Variants in HAPLN4 observed in about 807,000 individuals in gnomAD.
The protein encoded by HAPLN4 is hyaluronan and proteoglycan link protein 4, also known as brain link protein 2.
Under a neutral mutation model 28.0 loss-of-function variants are expected in HAPLN4, and 19 were observed. The ratio of observed to expected loss-of-function variants is 0.68; its 90% CI spans 0.47 to 1.00. The LOEUF (loss-of-function observed/expected upper bound fraction) is 1.00, where lower values mean the gene tolerates loss of function less well. HAPLN4 is among the 50% of genes least tolerant of loss of function. The probability of loss-of-function intolerance (pLI) is 0.00; values close to 1 mark genes in which losing one functional copy is unlikely to be tolerated. For missense variants in HAPLN4, 587 were observed against 602.6 expected (o/e 0.97, Z 0.27); for synonymous variants, 274 against 273.0 (o/e 1.00, Z -0.03).
intron 1 of HAPLN4, chr19:19,261,772 C>T (rs1013631147): frequency 2.0e-5 from 10 of 501,676 alleles, no homozygotes; most frequent in African/African-American, 1.9e-4. Flanking sequence ...GACTCCCCCC[C>T]GCCCTCAGTC....
Position 19,260,808 on chromosome 19 carries a change from A to T in HAPLN4, c.484+5T>A. 6.2e-7 allele frequency: 1 copy of T among 1,601,924 alleles called. No individual in the cohort carries two copies. ...CAAGGTTTATCCTCCCCACCGGCTG[A>T]TCACCTTCCAGGTCCAGCTTGACCA... On this transcript the variant is annotated splice_donor_5th_base_variant and intron_variant, in intron 3 of 4. Transcript: ENST00000291481.
rs1415973441 is a variant in HAPLN4 at position 19,258,156 on chromosome 19, C to T, written c.870G>A (p.Ala290=). Reference sequence around the variant, plus strand: ...CCGCGCCACGCGCAGCACACGCGCGCGCAGCTCCGGAGAAGGGTACAGGTC... The same window carrying T: ...CCGCGCCACGCGCAGCACACGCGCGTGCAGCTCCGGAGAAGGGTACAGGTC... ...PLRPVPFSGA[A]RACAARGAAV... The change falls in exon 5 of 5, where the codon GCG becomes GCA. Residue 290 remains alanine (A), a synonymous_variant. Transcript: ENST00000291481. The surrounding 1 kb of genome is among the most constrained non-coding windows in gnomAD (Gnocchi z 6.2). The T allele has an allele frequency of 1.9e-6, 3 of 1,539,710 alleles. No homozygotes were observed. The highest frequency in any genetic ancestry group is 1.2e-5 in the South Asian group (1 of 83,876).
At position 19,258,820 on chromosome 19, in the gene HAPLN4, A is replaced by G; in HGVS notation, c.520T>C (p.Tyr174His). 1 of 1,582,206 alleles carries G rather than the reference A, an allele frequency of 6.3e-7. No individual in the cohort carries two copies. The highest frequency in any genetic ancestry group is 8.6e-7 in the Non-Finnish European group (1 of 1,163,570). The change falls in exon 4 of 5, where the codon TAC becomes CAC. Residue 174 changes from tyrosine (Y) to histidine (H), a missense_variant. By Grantham distance (83) the Tyr-to-His change is moderately conservative (BLOSUM62 2). Coordinates refer to ENST00000291481, the MANE Select transcript of HAPLN4 (RefSeq NM_023002.3). This position sits in a 1 kb window ranked among gnomAD's most constrained non-coding sequence, Gnocchi z 6.2. ...VFPYHPRGGR[Y>H]KLTFAEAQRA... ...TGCGCCTCCGCGAAGGTCAGCTTGTATCGGCCTCCACGGGGGTGGTAGGGA... is the reference window on the plus strand; with the variant it reads ...TGCGCCTCCGCGAAGGTCAGCTTGTGTCGGCCTCCACGGGGGTGGTAGGGA...
In HAPLN4 at chr19:19,257,591, A is replaced by C; in HGVS notation, c.*226T>G. On this transcript the variant is annotated 3_prime_UTR_variant, in exon 5 of 5. Transcript: ENST00000291481. Reference sequence around the variant, plus strand: ...TGGAGAAAGTTGGGGAGTTGGGGGAATCCTCTATCCAGAAGAGGTGAGGGC... The same window carrying C: ...TGGAGAAAGTTGGGGAGTTGGGGGACTCCTCTATCCAGAAGAGGTGAGGGC... 1 of 422,664 alleles carries C rather than the reference A, an allele frequency of 2.4e-6. No individual in the cohort carries two copies. Among genetic ancestry groups the C allele is most frequent in the Non-Finnish European group, 3.9e-6 (1 of 253,316 alleles). The allele number at this position is 422,664 out of a possible 1,614,324, so 26.2% of individuals were successfully genotyped here.
chr19:19,261,604 C>T (rs2060983944), intron 1 of HAPLN4, 41 bp from the exon 2 acceptor site: 1 of 1,349,218 alleles, frequency 7.4e-7, no homozygotes, highest in African/African-American at 1.6e-5. Context: ...GCCTCCCAGC[C>T]TTGGCTTTTC....
In HAPLN4 at chr19:19,257,659, C is replaced by G. The variant is rs901263300; in HGVS notation, c.*158G>C. 1 of 836,274 alleles carries G rather than the reference C, an allele frequency of 1.2e-6. No individual in the cohort carries two copies. The highest frequency in any genetic ancestry group is 1.6e-6 in the Non-Finnish European group (1 of 614,296). The allele number at this position is 836,274 out of a possible 1,614,324, so 51.8% of individuals were successfully genotyped here. ...ACTCCAAAGTACTGTTCTGCCAGGA[C>G]TAGCCAGTCTTCAGGGACCCCAGGG... On this transcript the variant is annotated 3_prime_UTR_variant, in exon 5 of 5. Transcript: ENST00000291481.
chr19:19,258,163 C>A lies in HAPLN4; in HGVS notation c.863G>T (p.Gly288Val). ...LKPLRPVPFS[G>V]AARACAARGA... ...ACGCGCAGCACACGCGCGCGCAGCT[C>A]CGGAGAAGGGTACAGGTCGCAGCGG... The change falls in exon 5 of 5, where the codon GGA becomes GTA. Residue 288 changes from glycine (G) to valine (V), a missense_variant. By Grantham distance (109) the Gly-to-Val change is moderately radical (BLOSUM62 -3). Coordinates refer to ENST00000291481, the MANE Select transcript of HAPLN4 (RefSeq NM_023002.3). The surrounding 1 kb of genome is among the most constrained non-coding windows in gnomAD (Gnocchi z 6.2). The A allele has an allele frequency of 6.5e-7, 1 of 1,534,230 alleles. No individual in the cohort carries two copies. The highest frequency in any genetic ancestry group is 8.7e-7 in the Non-Finnish European group (1 of 1,146,360).
rs1347438571 is a variant in HAPLN4, at chr19:19,255,036, A to T, written c.*2781T>A. 6.6e-6 allele frequency: 1 copy of T among 152,180 alleles called. No individual in the cohort carries two copies. The highest frequency in any genetic ancestry group is 1.9e-4 in the East Asian group (1 of 5,202). 9.4% of individuals were successfully genotyped at this position (152,180 alleles called of 1,614,324 possible). On this transcript the variant is annotated 3_prime_UTR_variant, in exon 5 of 5. Coordinates refer to ENST00000291481, the MANE Select transcript of HAPLN4 (RefSeq NM_023002.3). ...ATATTCATGTCAGGGAAAGTTTGTA[A>T]TGTCTCTCCCTTCCTGGTACAGGAA...
Position 19,260,975 on chromosome 19 carries a change from C to G in HAPLN4, c.322G>C (p.Ala108Pro), listed in dbSNP as rs1350694597. ...VFVALGPQHR[A>P]FGSYRGRAEL... The stretch of plus-strand genomic sequence containing the variant: ...GCCCGCCCACGGTAGCTGCCGAATG[C>G]CCGGTGCTGGGGGCCTAGTGCCACG... Residue 108 changes from alanine (A) to proline (P), a missense_variant, in exon 3 of 5, where the codon GCA becomes CCA. Transcript: ENST00000291481. 6.2e-7 allele frequency: 1 copy of G among 1,613,662 alleles called. No individual in the cohort carries two copies. The highest frequency in any genetic ancestry group is 1.7e-5 in the Admixed American group (1 of 60,010).
rs753645846 is a variant in HAPLN4 at position 19,258,714 on chromosome 19, C to T, written c.626G>A (p.Cys209Tyr). The change falls in exon 4 of 5, where the codon TGC becomes TAC. Residue 209 changes from cysteine (C) to tyrosine (Y), a missense_variant. Cys to Tyr is a radical substitution (Grantham distance 194). Transcript: ENST00000291481. This position sits in a 1 kb window ranked among gnomAD's most constrained non-coding sequence, Gnocchi z 6.2. ...GCCGTCGCGCAACCAGCCCGCGTTG[C>T]ACCAGTCCAGGCCGTCGCGCCAGGC... ...HAAWRDGLDW[C>Y]NAGWLRDGSV... 1 of 1,605,642 alleles carries T rather than the reference C, an allele frequency of 6.2e-7. No homozygotes were observed. The highest frequency in any genetic ancestry group is 8.5e-7 in the Non-Finnish European group (1 of 1,177,238).
At position 19,257,741 on chromosome 19, in the gene HAPLN4, G is replaced by A; in HGVS notation, c.*76C>T. 1.5e-6 allele frequency: 2 copies of A among 1,359,084 alleles called. No individual in the cohort carries two copies. The highest frequency in any genetic ancestry group is 1.9e-6 in the Non-Finnish European group (2 of 1,059,816). 84.2% of individuals were successfully genotyped at this position (1,359,084 alleles called of 1,614,324 possible). The stretch of plus-strand genomic sequence containing the variant: ...TGTGGCCAGTGTCCAGGGCTTCAAG[G>A]GCGTGGCCAGGCTCCAGGGGACCAC... On this transcript the variant is annotated 3_prime_UTR_variant, in exon 5 of 5. Coordinates refer to ENST00000291481, the MANE Select transcript of HAPLN4 (RefSeq NM_023002.3).
rs772163321 is a variant in HAPLN4, at chr19:19,258,904, T to A, written c.485-49A>T. 1 of 1,411,620 alleles carries A rather than the reference T, an allele frequency of 7.1e-7. No individual in the cohort carries two copies. The highest frequency in any genetic ancestry group is 1.4e-5 in the African/African-American group (1 of 69,714). The allele number at this position is 1,411,620 out of a possible 1,614,324, so 87.4% of individuals were successfully genotyped here. ...GCAGGTACACCCCAGCCCACCCTCA[T>A]GCACCTGACGTCTGGGGTGCTATGT... On this transcript the variant is annotated intron_variant, in intron 3 of 4. Transcript: ENST00000291481. The surrounding 1 kb of genome is among the most constrained non-coding windows in gnomAD (Gnocchi z 6.2).
intron 2 of HAPLN4, 58 bp from the exon 3 acceptor site, chr19:19,261,233 G>T: frequency 1.3e-6 from 2 of 1,539,726 alleles, no homozygotes. Flanking sequence ...GGGGCCTCTG[G>T]GGAAGGTGTC....
At chr19:19,262,349 G>T (rs746782376) in intron 1 of HAPLN4, among the ~76,000 whole-genome samples, 3 of 151,116 alleles carry the variant, frequency 2.0e-5, no homozygotes, top group Non-Finnish European at 4.4e-5. Flanking sequence ...GGCAGAGGGA[G>T]ACAGAGAGGC....
intron 3 of HAPLN4, among the ~76,000 whole-genome samples, chr19:19,259,109 G>A (rs946053278): frequency 6.6e-6 from 1 of 152,246 alleles, no homozygotes; most frequent in East Asian, 1.9e-4. Flanking sequence ...GGAGGACTTT[G>A]CTCATGCTCT....
chr19:19,259,553 T>C (rs1003053620), intron 3 of HAPLN4, among the ~76,000 whole-genome samples: 7 of 152,150 alleles, frequency 4.6e-5, no homozygotes, highest in African/African-American at 1.7e-4. Flanking sequence ...GATTGAATCC[T>C]GTCTCTGCCA....
At position 19,261,066 on chromosome 19, in the gene HAPLN4, G is replaced by C. The variant is rs776138318; in HGVS notation, c.231C>G (p.His77Gln). 1 of 1,613,076 alleles carries C rather than the reference G, an allele frequency of 6.2e-7. No homozygotes were observed. The highest frequency in any genetic ancestry group is 8.5e-7 in the Non-Finnish European group (1 of 1,179,980). The change falls in exon 3 of 5, where the codon CAC (histidine) becomes CAG (glutamine). Residue 77 changes from histidine to glutamine, a missense_variant. By Grantham distance (24) the His-to-Gln change is conservative. Coordinates refer to ENST00000291481, the MANE Select transcript of HAPLN4 (RefSeq NM_023002.3). ...ACTTGAGCCGGACGCCGTCGTGACC[G>C]TGGGCGGCTGCCTCATAGTGGTAGC... The part of the protein sequence containing the change: ...PCRYHYEAAA[H>Q]GHDGVRLKWT...
chr19:19,256,625 C>T lies in HAPLN4; in HGVS notation c.*1192G>A, dbSNP rs1296554512. On this transcript the variant is annotated 3_prime_UTR_variant, in exon 5 of 5. Transcript: ENST00000291481. ...CTGGGGGTGGAGCATGGAGGGTGGT[C>T]TGGAACTGGAGTGGGCCTGGGGACA... 1 of 152,538 alleles carries T rather than the reference C, an allele frequency of 6.6e-6. No individual in the cohort carries two copies. The highest frequency in any genetic ancestry group is 1.5e-5 in the Non-Finnish European group (1 of 68,114). 9.4% of individuals were successfully genotyped at this position (152,538 alleles called of 1,614,324 possible).
In HAPLN4 at chr19:19,255,825, C is replaced by G. The variant is rs1007117439; in HGVS notation, c.*1992G>C. On this transcript the variant is annotated 3_prime_UTR_variant, in exon 5 of 5. Transcript: ENST00000291481. Reference sequence around the variant, plus strand: ...CCCAAACCGACCTGGTCCCAAAACTCAGAGATAGGTTTCCTAGAGATGACG... The same window carrying G: ...CCCAAACCGACCTGGTCCCAAAACTGAGAGATAGGTTTCCTAGAGATGACG... The G allele has an allele frequency of 1.3e-5, 2 of 152,150 alleles. No individual in the cohort carries two copies. Among genetic ancestry groups the G allele is most frequent in the East Asian group, 3.9e-4 (2 of 5,192 alleles). The allele number at this position is 152,150 out of a possible 1,614,324, so 9.4% of individuals were successfully genotyped here.
Sources: allele counts gnomAD v4.1 joint callset (sites outside exome capture counted in the v4.1 genomes callset), GRCh38; gene constraint gnomAD v4.1.1; non-coding constraint Gnocchi (gnomAD v3.1); transcripts MANE v1.5; gene names NCBI Gene and HGNC (gene_info 2026-07-23, HGNC 2026-07-21).